The following CUX1 variants were observed in gnomAD, a reference collection of about 807,000 sequenced individuals.
CUX1 encodes protein CASP.
In CUX1, 31 loss-of-function variants were observed where a neutral mutation model predicts 158.8. The ratio of observed to expected loss-of-function variants is 0.20; its 90% CI spans 0.15 to 0.26. CUX1 has a LOEUF of 0.26. Among genes scored for constraint, CUX1 ranks in the 10% least tolerant of loss-of-function variants. CUX1 has a pLI of 1.00. For missense variants in CUX1, 1,589 were observed against 2,014.6 expected (o/e 0.79, Z 4.04); for synonymous variants, 879 against 862.1 (o/e 1.02, Z -0.34).
In CUX1 at chr7:102,252,438, C is replaced by T. The variant is rs546386291; in HGVS notation, c.*3396C>T. 4 of 985,460 alleles carry T rather than the reference C, an allele frequency of 4.1e-6. No individual in the cohort carries two copies. In the African/African-American group the frequency reaches 7.0e-5, roughly 17 times the overall value. The allele number at this position is 985,460 out of a possible 1,614,324, so 61.0% of individuals were successfully genotyped here. ...GTTTAAAAAGCTGATTTGTACCTCT[C>T]CCCTGGGGGAAACGGTTCCATATAA... On this transcript the variant is annotated 3_prime_UTR_variant, in exon 24 of 24. Coordinates refer to ENST00000292535, the MANE Select transcript of CUX1 (RefSeq NM_181552.4).
rs531139252 is a variant in CUX1, at chr7:101,971,941, G to C, written c.141+55716G>C. ...AACTTCTGTCTGGATTTGTGAGTTGGGTGATTTCAGATACTGATTTATTTT... is the reference window on the plus strand; with the variant it reads ...AACTTCTGTCTGGATTTGTGAGTTGCGTGATTTCAGATACTGATTTATTTT... On this transcript the variant is annotated intron_variant, in intron 2 of 23. Coordinates refer to ENST00000292535, the MANE Select transcript of CUX1 (RefSeq NM_181552.4). Among the ~76,000 whole-genome samples, 14 of 152,234 alleles carry C rather than the reference G, an allele frequency of 9.2e-5. 2 individuals carry two copies. The highest frequency in any genetic ancestry group is 8.5e-4 in the Admixed American group (13 of 15,278).
chr7:102,149,275 G>T (rs1171457800), intron 8 of CUX1, among the ~76,000 whole-genome samples: 1 of 151,962 alleles, frequency 6.6e-6, no homozygotes, highest in Non-Finnish European at 1.5e-5. Flanking sequence ...CCCTACTCCG[G>T]GATACTGTTT....
chr7:101,880,623 T>G (rs548378689), intron 1 of CUX1, among the ~76,000 whole-genome samples: 1 of 152,354 alleles, frequency 6.6e-6, no homozygotes, highest in South Asian at 2.1e-4. Context: ...AAGCTGGTAG[T>G]GTACTTTAAC....
chr7:102,201,578 G>C lies in CUX1; in HGVS notation c.2281G>C (p.Ala761Pro). 5 of 1,614,008 alleles carry C rather than the reference G, an allele frequency of 3.1e-6. No homozygotes were observed. Among genetic ancestry groups the C allele is most frequent in the Non-Finnish European group, 4.2e-6 (5 of 1,180,008 alleles). The change falls in exon 18 of 24, where the codon GCC becomes CCC. Residue 761 changes from alanine (A) to proline (P), a missense_variant. Physicochemically the swap from Ala to Pro is conservative, Grantham distance 27. Around this residue, in one of 8 missense-constraint regions of CUX1, gnomAD observed 337 missense variants for 409.3 expected, o/e 0.82. Transcript: ENST00000292535. The surrounding 1 kb of genome is among the most constrained non-coding windows in gnomAD (Gnocchi z 5.0). Reference protein sequence around the residue: ...MPTVSSYPPLAISLKKPSAAP... With the variant: ...MPTVSSYPPLPISLKKPSAAP... ...CACCGTGTCCAGCTACCCACCTCTC[G>C]CCATCTCCCTGAAGAAGCCCTCCGC...
chr7:101,972,495 G>C (rs1319557390), intron 2 of CUX1, among the ~76,000 whole-genome samples: 1 of 152,240 alleles, frequency 6.6e-6, no homozygotes, highest in Non-Finnish European at 1.5e-5. Flanking sequence ...GCGTGTCATG[G>C]ATCCCGCATC....
rs975292600 is a variant in CUX1 at position 102,256,876 on chromosome 7, G to A, written c.*7834G>A. On this transcript the variant is annotated 3_prime_UTR_variant, in exon 24 of 24. Coordinates refer to ENST00000292535, the MANE Select transcript of CUX1 (RefSeq NM_181552.4). ...ACGTTTTGGTTGGTTTTTTGTTGTT[G>A]TTTTTCTTGCGTACAAAGTTGGTCA... The A allele has an allele frequency of 1.0e-6, 1 of 985,334 alleles. No homozygotes were observed. Among genetic ancestry groups the A allele is most frequent in the Non-Finnish European group, 1.2e-6 (1 of 829,962 alleles). 61.0% of individuals were successfully genotyped at this position (985,334 alleles called of 1,614,324 possible).
intron 4 of CUX1, among the ~76,000 whole-genome samples, chr7:102,083,366 A>G (rs972943205): frequency 6.8e-6 from 1 of 146,974 alleles, no homozygotes; most frequent in Admixed American, 6.9e-5. Flanking sequence ...GAGTGTAGTG[A>G]TATAGTCATA....
At chr7:102,047,577 T>TAGGG (rs527301135) in intron 3 of CUX1, among the ~76,000 whole-genome samples, 3 of 130,276 alleles carry the variant, frequency 2.3e-5, no homozygotes, top group Non-Finnish European at 3.2e-5. Context: ...AGTCTAGAGG[T>TAGGG]AGGGAGGGAG....
chr7:102,199,180 T>A (rs1324321215), intron 16 of CUX1, among the ~76,000 whole-genome samples: 1 of 152,108 alleles, frequency 6.6e-6, no homozygotes, highest in Non-Finnish European at 1.5e-5. Context: ...GTTGAAAAAA[T>A]AACAGCGGTT....
In CUX1 at chr7:102,195,593, C is replaced by T. The variant is rs782775542; in HGVS notation, c.1212C>T (p.Ser404=). The T allele has an allele frequency of 1.9e-6, 3 of 1,607,442 alleles. No homozygotes were observed. Among genetic ancestry groups the T allele is most frequent in the East Asian group, 2.2e-5 (1 of 44,664 alleles). The change falls in exon 14 of 24, where the codon AGC becomes AGT. Residue 404 remains serine, a synonymous_variant. Transcript: ENST00000292535. ...SENAALRISN[S]DLSGSARRKG... is the part of the protein sequence containing the mutation. ...ACGCCGCGCTGCGCATCTCCAACAG[C>T]GACCTGAGCGGTAGGTTGGCCGGGC...
chr7:102,108,573 G>A (rs1259050885), intron 6 of CUX1, among the ~76,000 whole-genome samples: 3 of 152,088 alleles, frequency 2.0e-5, no homozygotes, highest in African/African-American at 7.2e-5. Flanking sequence ...CCTGACTTCA[G>A]GTTATCTGCC....
intron 2 of CUX1, among the ~76,000 whole-genome samples, chr7:102,027,745 T>C (rs1018800802): frequency 1.1e-4 from 16 of 151,862 alleles, no homozygotes; most frequent in Non-Finnish European, 1.3e-4. Flanking sequence ...GCCTGTAGTC[T>C]CAGCTACTTG....
At chr7:102,055,877 G>A (rs1314227500) in intron 3 of CUX1, among the ~76,000 whole-genome samples, 1 of 152,168 alleles carries the variant, frequency 6.6e-6, no homozygotes, top group Non-Finnish European at 1.5e-5. Flanking sequence ...TATGAAAAGT[G>A]CTGCTCCAGT....
chr7:102,079,967 C>T (rs543372936), intron 4 of CUX1, among the ~76,000 whole-genome samples: 74 of 152,320 alleles, frequency 4.9e-4, no homozygotes, highest in Non-Finnish European at 1.0e-3. Context: ...GAAGCAGCGT[C>T]CCTACCTTCC....
intron 1 of CUX1, among the ~76,000 whole-genome samples, chr7:101,911,902 G>T (rs1803529505): frequency 6.6e-6 from 1 of 152,206 alleles, no homozygotes; most frequent in Non-Finnish European, 1.5e-5. Context: ...CAGTCATCCT[G>T]TGATCTCTTA....
At chr7:102,178,343 G>A (rs894797537) in intron 10 of CUX1, 126 bp from the exon 11 acceptor site, 1 of 934,860 alleles carries the variant, frequency 1.1e-6, no homozygotes. Flanking sequence ...GGCAAGAAGT[G>A]ACATCCTGCC....
intron 2 of CUX1, among the ~76,000 whole-genome samples, chr7:101,950,915 T>G (rs191007980): frequency 1.6e-4 from 25 of 152,306 alleles, no homozygotes; most frequent in Middle Eastern, 3.4e-3. Context: ...TCCTTACTTC[T>G]TAGTTACCAT....
intron 2 of CUX1, among the ~76,000 whole-genome samples, chr7:101,980,606 T>C (rs1813307781): frequency 6.6e-6 from 1 of 152,160 alleles, no homozygotes; most frequent in South Asian, 2.1e-4. Flanking sequence ...GGTGGCAGAT[T>C]GGTTCTCACT....
intron 2 of CUX1, among the ~76,000 whole-genome samples, chr7:101,987,704 G>C (rs1053368539): frequency 6.6e-6 from 1 of 152,240 alleles, no homozygotes; most frequent in African/African-American, 2.4e-5. Context: ...GCACGTGCCT[G>C]AGGGCCCTTG....
Sources: gnomAD v4.1 joint callset for allele counts (sites outside exome capture counted in the v4.1 genomes callset) on GRCh38, gnomAD v4.1.1 for gene constraint, gnomAD v4.1.1 regional missense constraint, Gnocchi (gnomAD v3.1) non-coding constraint, MANE v1.5 for transcripts, NCBI Gene and HGNC (gene_info 2026-07-23, HGNC 2026-07-21) for gene names.